The following TTC3 variants were observed in gnomAD, a reference collection of about 807,000 sequenced individuals.
TTC3 encodes the protein tetratricopeptide repeat domain 3, also known as E3 ubiquitin-protein ligase TTC3.
A neutral mutation model predicts 249.6 loss-of-function variants in TTC3; 180 were observed. That is an observed-to-expected ratio of 0.72 (90% CI 0.64 to 0.82). The LOEUF (loss-of-function observed/expected upper bound fraction) is 0.82. Among genes scored for constraint, TTC3 ranks in the 40% least tolerant of loss-of-function variants. The pLI is 0.00. For synonymous variants in TTC3, 717 were observed against 805.0 expected, an observed-to-expected ratio of 0.89 and a Z score of 1.85; for missense variants, 2,061 against 2,398.4, an observed-to-expected ratio of 0.86 and a Z score of 2.94.
In TTC3 at chr21:37,087,124, A is replaced by C. The variant is rs140459999; in HGVS notation, c.-11-123A>C. ...ATCTTTCGGAGCTCAGTGTTCTGAT[A>C]GGAGTTATTTCCTTGGGCATAGGTT... On this transcript the variant is annotated intron_variant, in intron 1 of 45. Coordinates refer to ENST00000355666, the Ensembl canonical transcript of TTC3. 4.6e-4 allele frequency: 471 copies of C among 1,029,260 alleles called. 2 individuals carry two copies. The African/African-American group carries it at 5.5e-3, about 12-fold the overall frequency. The allele number at this position is 1,029,260 out of a possible 1,614,324, so 63.8% of individuals were successfully genotyped here.
chr21:37,142,173 T>C (rs1408658974), intron 20 of TTC3, among the ~76,000 whole-genome samples: 2 of 152,158 alleles, frequency 1.3e-5, no homozygotes, highest in South Asian at 2.1e-4. Context: ...TGGAAGCATT[T>C]CCTTTGAAAA....
chr21:37,083,807 A>G (rs1051040644), intron 1 of TTC3: 1 of 152,210 alleles, frequency 6.6e-6, no homozygotes, highest in Admixed American at 6.5e-5. Context: ...AGAAGTCAAG[A>G]GATACAACCC....
chr21:37,091,963 C>T (rs1013582375), intron 7 of TTC3, among the ~76,000 whole-genome samples: 13 of 152,114 alleles, frequency 8.5e-5, no homozygotes, highest in Non-Finnish European at 1.5e-5. Context: ...TAAAAATTTT[C>T]ACTGAATGGA....
At chr21:37,174,737 G>C (rs1385078358) in intron 35 of TTC3, among the ~76,000 whole-genome samples, 1 of 152,140 alleles carries the variant, frequency 6.6e-6, no homozygotes, top group Non-Finnish European at 1.5e-5. Context: ...CCATGTAGTA[G>C]CTTTGTGATG....
chr21:37,159,685 G>A lies in TTC3; in HGVS notation c.2993-14G>A, dbSNP rs761192976. The A allele has an allele frequency of 1.9e-6, 3 of 1,612,824 alleles. No individual in the cohort carries two copies. The highest frequency in any genetic ancestry group is 2.5e-6 in the Non-Finnish European group (3 of 1,179,434). ...ATTTAGTTTTCTCACAAAACCATCTGTATATTCCTACAGACAGCCGCTGTA... is the reference window on the plus strand; with the variant it reads ...ATTTAGTTTTCTCACAAAACCATCTATATATTCCTACAGACAGCCGCTGTA... On this transcript the variant is annotated splice_polypyrimidine_tract_variant and intron_variant, in intron 28 of 45. Transcript: ENST00000355666.
intron 28 of TTC3, among the ~76,000 whole-genome samples, chr21:37,159,308 T>C (rs957787777): frequency 0.028 from 3 of 106 alleles, no homozygotes; most frequent in Admixed American, 0.071. Context: ...CTTGAGTCCT[T>C]CGTGAGCCTT....
At chr21:37,160,684 A>T in intron 29 of TTC3, 118 bp from the exon 30 acceptor site, 1 of 1,078,878 alleles carries the variant, frequency 9.3e-7, no homozygotes, top group Non-Finnish European at 1.4e-6. Flanking sequence ...TATTTTTGTT[A>T]AACATTTTAT....
intron 20 of TTC3, among the ~76,000 whole-genome samples, chr21:37,143,702 C>T (rs1163872736): frequency 1.3e-5 from 2 of 150,160 alleles, no homozygotes; most frequent in Admixed American, 6.7e-5. Flanking sequence ...TCAGGGATCT[C>T]GAACTAGAAA....
intron 29 of TTC3, among the ~76,000 whole-genome samples, chr21:37,160,400 G>C (rs2080590512): frequency 6.6e-6 from 1 of 152,154 alleles, no homozygotes; most frequent in South Asian, 2.1e-4. Context: ...GGAGCTGAAG[G>C]CTTCTTTATT....
At chr21:37,140,333 G>A (rs997879271) in intron 19 of TTC3, among the ~76,000 whole-genome samples, 2 of 152,176 alleles carry the variant, frequency 1.3e-5, no homozygotes, top group African/African-American at 4.8e-5. Context: ...TAGGTTGATT[G>A]TCTGATGTGT....
chr21:37,082,010 G>A (rs1417663173), intron 1 of TTC3: 4 of 151,620 alleles, frequency 2.6e-5, no homozygotes, highest in Middle Eastern at 3.1e-3. Flanking sequence ...GACTACAGGC[G>A]CCCGCCACCA....
intron 42 of TTC3, among the ~76,000 whole-genome samples, chr21:37,196,812 A>G (rs184384831): frequency 8.7e-4 from 133 of 152,352 alleles, no homozygotes; most frequent in African/African-American, 2.9e-3. Context: ...ATGGAATTCC[A>G]TAGTGAATGG....
rs111878908 is a variant in TTC3 at position 37,166,595 on chromosome 21, G to A, written c.4381G>A (p.Val1461Met). 48 of 1,611,978 alleles carry A rather than the reference G, an allele frequency of 3.0e-5. No homozygotes were observed. The highest frequency in any genetic ancestry group is 2.8e-4 in the African/African-American group (21 of 74,994). The change falls in exon 33 of 46, where the codon GTG (valine) becomes ATG (methionine). Residue 1461 changes from valine (V) to methionine (M), a missense_variant. This residue lies in a region of TTC3 where 1,040 missense variants were observed against 1,186.1 expected (regional missense o/e 0.88). Transcript: ENST00000355666. The stretch of plus-strand genomic sequence containing the variant: ...CAGTGCAGTAACAAACATTCCACAC[G>A]TGCAGATGGTTGCCATACAGGTAAG...
At chr21:37,092,835 A>G (rs2073447106) in intron 7 of TTC3, among the ~76,000 whole-genome samples, 2 of 152,084 alleles carry the variant, frequency 1.3e-5, no homozygotes. Context: ...TATCCTTTTT[A>G]TATAATAGCT....
At chr21:37,082,645 T>A (rs2147630296) in intron 1 of TTC3, 1 of 985,416 alleles carries the variant, frequency 1.0e-6, no homozygotes. Flanking sequence ...GGTTTGTTGC[T>A]TTTGCGTGGA....
At chr21:37,150,446 C>T (rs2079361739) in intron 24 of TTC3, among the ~76,000 whole-genome samples, 1 of 151,868 alleles carries the variant, frequency 6.6e-6, no homozygotes, top group Non-Finnish European at 1.5e-5. Flanking sequence ...TTTCTTAATC[C>T]CGGTAAACTT....
chr21:37,122,086 T>G (rs183904194), intron 12 of TTC3, 107 bp downstream of exon 12: 5 of 1,063,940 alleles, frequency 4.7e-6, no homozygotes, highest in Non-Finnish European at 6.5e-6. Context: ...TCAGATGATT[T>G]ATCCTTATTT....
intron 11 of TTC3, among the ~76,000 whole-genome samples, chr21:37,116,331 A>C (rs1286153239): frequency 6.6e-6 from 1 of 152,190 alleles, no homozygotes; most frequent in East Asian, 1.9e-4. Context: ...GGGCAGTAAG[A>C]GAGGGAAAGG....
intron 10 of TTC3, chr21:37,098,071 C>G (rs2074120429): frequency 1.7e-6 from 1 of 601,382 alleles, no homozygotes; most frequent in Non-Finnish European, 3.0e-6. Flanking sequence ...GCTATCTAGA[C>G]TAGAGGAATG....
Sources: gnomAD v4.1 joint callset for allele counts (sites outside exome capture counted in the v4.1 genomes callset) on GRCh38, gnomAD v4.1.1 for gene constraint, gnomAD v4.1.1 regional missense constraint, MANE v1.5 for transcripts, NCBI Gene and HGNC (gene_info 2026-07-23, HGNC 2026-07-21) for gene names.